ACTR3: variants seen among roughly 807,000 people sequenced by gnomAD.
ACTR3 encodes the protein actin related protein 3.
Under a neutral mutation model 56.8 loss-of-function variants are expected in ACTR3, and 12 were observed. The observed-to-expected ratio is 0.21, with a 90% CI of 0.14 to 0.34. The LOEUF is 0.34. Ranked by LOEUF, ACTR3 falls within the 10% of genes least tolerant of loss-of-function variation. ACTR3 has a pLI of 1.00. For synonymous variants in ACTR3, 162 were observed against 167.4 expected (o/e 0.97, Z 0.25); for missense variants, 282 against 512.5 (o/e 0.55, Z 4.34).
At chr2:113,906,780 T>G (rs1306838305) in intron 1 of ACTR3, among the ~76,000 whole-genome samples, 1 of 152,162 alleles carries the variant, frequency 6.6e-6, no homozygotes, top group Non-Finnish European at 1.5e-5. Flanking sequence ...TAATTATATA[T>G]GTGAGAGTTT....
chr2:113,899,352 A>G (rs1027714), intron 1 of ACTR3, among the ~76,000 whole-genome samples: 4,686 of 151,896 alleles, frequency 0.031, 97 homozygotes, highest in South Asian at 0.072. Context: ...TGTGCTCATT[A>G]ATGACTGCAC....
intron 1 of ACTR3, among the ~76,000 whole-genome samples, chr2:113,903,565 C>G (rs1679139968): frequency 1.4e-5 from 2 of 146,794 alleles, no homozygotes; most frequent in Non-Finnish European, 3.0e-5. Flanking sequence ...GAGACGGAGT[C>G]TCGCTCCGTT....
intron 8 of ACTR3, among the ~76,000 whole-genome samples, chr2:113,947,897 G>A (rs78280739): frequency 0.013 from 1,940 of 151,912 alleles, 42 homozygotes; most frequent in African/African-American, 0.039. Context: ...TGAGAAACCT[G>A]TTTCTCTTTT....
chr2:113,950,770 G>A, intron 8 of ACTR3: 1 of 152,172 alleles, frequency 6.6e-6, no homozygotes, highest in East Asian at 1.9e-4. Flanking sequence ...TTAGCTATTT[G>A]TATTAGTCCG....
chr2:113,890,598 A>G (rs1392478649), intron 1 of ACTR3: 23 of 1,329,104 alleles, frequency 1.7e-5, no homozygotes, highest in Non-Finnish European at 2.2e-5. Context: ...CCCTTCCCCC[A>G]CTACGGTGGG....
chr2:113,897,171 G>A (rs1403402), intron 1 of ACTR3, among the ~76,000 whole-genome samples: 45,262 of 151,974 alleles, frequency 0.3, 11,080 homozygotes, highest in African/African-American at 0.67. Flanking sequence ...TACCAAACAC[G>A]ACATTTATGA....
At chr2:113,891,615 CTT>C (rs759673666) in intron 1 of ACTR3, among the ~76,000 whole-genome samples, 2 of 144,696 alleles carry the variant, frequency 1.4e-5, no homozygotes, top group African/African-American at 5.1e-5. Flanking sequence ...GACTGTCAGG[CTT>C]TTTTTTTTAT....
intron 8 of ACTR3, chr2:113,950,779 C>T (rs939465161): frequency 2.0e-5 from 3 of 151,980 alleles, no homozygotes; most frequent in African/African-American, 4.8e-5. Flanking sequence ...TGTATTAGTC[C>T]GTTTTCATAC....
At chr2:113,935,289 C>T (rs947293703) in intron 6 of ACTR3, among the ~76,000 whole-genome samples, 3 of 152,108 alleles carry the variant, frequency 2.0e-5, no homozygotes, top group African/African-American at 4.8e-5. Context: ...AAAGTCCATC[C>T]GTCCCCACAA....
intron 3 of ACTR3, among the ~76,000 whole-genome samples, chr2:113,918,915 G>A (rs982136401): frequency 6.6e-6 from 1 of 152,150 alleles, no homozygotes; most frequent in Non-Finnish European, 1.5e-5. Context: ...CGGCAGTGGG[G>A]ATAGAAATGG....
chr2:113,951,400 G>A, intron 8 of ACTR3, 79 bp from the exon 9 acceptor site: 3 of 996,188 alleles, frequency 3.0e-6, no homozygotes, highest in Non-Finnish European at 4.6e-6. Context: ...TTTTTGAACT[G>A]AAAACTTTGT....
At chr2:113,940,921 C>T (rs1020266464) in intron 7 of ACTR3, among the ~76,000 whole-genome samples, 4 of 151,370 alleles carry the variant, frequency 2.6e-5, no homozygotes, top group Non-Finnish European at 5.9e-5. Context: ...CCTGGGCTCA[C>T]GTGATCCTCC....
intron 8 of ACTR3, among the ~76,000 whole-genome samples, chr2:113,946,686 T>G (rs1680026355): frequency 6.6e-6 from 1 of 152,240 alleles, no homozygotes; most frequent in Non-Finnish European, 1.5e-5. Flanking sequence ...TTTCTTTTGC[T>G]GTGCAGAAGC....
chr2:113,901,450 G>A (rs1679097804), intron 1 of ACTR3, among the ~76,000 whole-genome samples: 1 of 152,160 alleles, frequency 6.6e-6, no homozygotes, highest in African/African-American at 2.4e-5. Context: ...AGATATTATG[G>A]GAGTAGGCAT....
intron 2 of ACTR3, among the ~76,000 whole-genome samples, chr2:113,915,765 A>G (rs1473730970): frequency 6.6e-6 from 1 of 152,192 alleles, no homozygotes; most frequent in Non-Finnish European, 1.5e-5. Flanking sequence ...CAAAATATGA[A>G]GTCTTTGCCA....
intron 8 of ACTR3, 32 bp from the exon 9 acceptor site, chr2:113,951,447 G>A (rs1191874165): frequency 7.0e-7 from 1 of 1,421,840 alleles, no homozygotes; most frequent in East Asian, 2.3e-5. Flanking sequence ...GTAGTGATAT[G>A]ATCTCTATTA....
chr2:113,892,398 G>A (rs1678922072), intron 1 of ACTR3, among the ~76,000 whole-genome samples: 1 of 152,304 alleles, frequency 6.6e-6, no homozygotes, highest in South Asian at 2.1e-4. Flanking sequence ...TGATTTGAAT[G>A]GAACTGATTA....
intron 1 of ACTR3, chr2:113,890,844 G>T (rs913236110): frequency 4.5e-5 from 44 of 968,732 alleles, no homozygotes; most frequent in Non-Finnish European, 5.3e-5. Flanking sequence ...GGGAAGAATC[G>T]GACTCTGAAA....
In ACTR3 at chr2:113,961,241, C is replaced by T. The variant is rs1379888891; in HGVS notation, c.*3786C>T. 2.0e-5 allele frequency: 3 copies of T among 151,866 alleles called. No individual in the cohort carries two copies. The highest frequency in any genetic ancestry group is 7.3e-5 in the African/African-American group (3 of 41,376). The allele number at this position is 151,866 out of a possible 1,614,324, so 9.4% of individuals were successfully genotyped here. ...TCTTAACAAAAATAAAATCTGTGGT[C>T]GTCTGAGGTATTCTCCATGCTATAA... On this transcript the variant is annotated 3_prime_UTR_variant, in exon 12 of 12. Transcript: ENST00000263238.
Sources: gnomAD v4.1 joint callset for allele counts (sites outside exome capture counted in the v4.1 genomes callset) on GRCh38, gnomAD v4.1.1 for gene constraint, MANE v1.5 for transcripts, NCBI Gene and HGNC (gene_info 2026-07-23, HGNC 2026-07-21) for gene names.